MAP2: variants seen among roughly 807,000 people sequenced by gnomAD.
MAP2 encodes microtubule-associated protein 2.
A neutral mutation model predicts 137.6 loss-of-function variants in MAP2; 14 were observed. The observed-to-expected ratio is 0.10, with a 90% CI of 0.07 to 0.16. The LOEUF (loss-of-function observed/expected upper bound fraction) is 0.16. MAP2 is among the 10% of genes least tolerant of loss of function. The pLI is 1.00. For missense variants in MAP2, 2,088 were observed against 2,191.5 expected (o/e 0.95, Z 0.94); for synonymous variants, 786 against 782.3 (o/e 1.00, Z -0.08).
At chr2:209,705,383 T>G in intron 11 of MAP2, 197 bp from the exon 12 acceptor site, 1 of 369,016 alleles carries the variant, frequency 2.7e-6, no homozygotes, top group Non-Finnish European at 4.7e-6. Context: ...AAATAATGTA[T>G]TTTTACAAAA....
intron 13 of MAP2, among the ~76,000 whole-genome samples, chr2:209,713,799 G>C (rs946055412): frequency 6.6e-6 from 1 of 152,090 alleles, no homozygotes; most frequent in Non-Finnish European, 1.5e-5. Flanking sequence ...CTAATAATCA[G>C]GTTTTAAAAT....
intron 2 of MAP2, among the ~76,000 whole-genome samples, chr2:209,510,470 T>C (rs1445558956): frequency 6.6e-6 from 1 of 152,018 alleles, no homozygotes; most frequent in African/African-American, 2.4e-5. Context: ...TTTGTAGAAG[T>C]GGGATTATGT....
At chr2:209,699,389 G>T (rs2061155026) in intron 10 of MAP2, among the ~76,000 whole-genome samples, 1 of 152,000 alleles carries the variant, frequency 6.6e-6, no homozygotes, top group African/African-American at 2.4e-5. Context: ...AAATTAAGGA[G>T]GAATAAACAC....
intron 2 of MAP2, among the ~76,000 whole-genome samples, chr2:209,518,698 T>G (rs2062862972): frequency 6.6e-6 from 1 of 152,104 alleles, no homozygotes; most frequent in Non-Finnish European, 1.5e-5. Context: ...TCTCTCTTCA[T>G]GCACACAGAA....
intron 13 of MAP2, among the ~76,000 whole-genome samples, chr2:209,718,398 A>G (rs1378548433): frequency 6.6e-6 from 1 of 152,206 alleles, no homozygotes. Context: ...AAAAAATTTA[A>G]TGTCAAAAAA....
intron 14 of MAP2, 142 bp from the exon 15 acceptor site, chr2:209,729,708 A>T (rs1022923773): frequency 6.6e-6 from 4 of 604,952 alleles, no homozygotes; most frequent in Non-Finnish European, 1.2e-5. Flanking sequence ...ATTCTAAAAG[A>T]CTCTTTTTAC....
chr2:209,471,232 G>A (rs1297872254), intron 1 of MAP2, among the ~76,000 whole-genome samples: 1 of 152,048 alleles, frequency 6.6e-6, no homozygotes, highest in Non-Finnish European at 1.5e-5. Context: ...GGTTAATTCT[G>A]ACTCATCCTA....
chr2:209,704,721 A>C, intron 11 of MAP2: 1 of 1,138,712 alleles, frequency 8.8e-7, no homozygotes. Context: ...CAAATACTTT[A>C]CTCTGAAGTG....
intron 10 of MAP2, among the ~76,000 whole-genome samples, chr2:209,697,555 T>C (rs1251698056): frequency 2.0e-5 from 3 of 152,104 alleles, no homozygotes; most frequent in Non-Finnish European, 4.4e-5. Flanking sequence ...AGTGAAATTG[T>C]GGTTTGCAAA....
At chr2:209,453,554 G>A (rs145766507) in intron 1 of MAP2, among the ~76,000 whole-genome samples, 58 of 152,188 alleles carry the variant, frequency 3.8e-4, no homozygotes, top group Admixed American at 2.7e-3. Context: ...ACCTATGACT[G>A]TTACTGTTTA....
intron 2 of MAP2, among the ~76,000 whole-genome samples, chr2:209,511,423 A>G (rs115045967): frequency 6.6e-5 from 10 of 152,258 alleles, no homozygotes; most frequent in Non-Finnish European, 1.5e-4. Context: ...TGCTTAACAC[A>G]AGGCTCTCAG....
rs1201749213 is a variant in MAP2 at position 209,732,982 on chromosome 2, C to A, written c.*2585C>A. On this transcript the variant is annotated 3_prime_UTR_variant, in exon 16 of 16. Coordinates refer to ENST00000682079, the MANE Select transcript of MAP2 (RefSeq NM_001375505.1). Reference sequence around the variant, plus strand: ...TGTGGGGTTAAGGGGTAGAACCTATCTTGCCTTCACTCTCAAGATAACGAC... The same window carrying A: ...TGTGGGGTTAAGGGGTAGAACCTATATTGCCTTCACTCTCAAGATAACGAC... The A allele has an allele frequency of 6.6e-6, 1 of 152,586 alleles. No homozygotes were observed. Among genetic ancestry groups the A allele is most frequent in the Admixed American group, 6.6e-5 (1 of 15,262 alleles). 9.5% of individuals were successfully genotyped at this position (152,586 alleles called of 1,614,324 possible).
chr2:209,432,987 C>T (rs1451792617), intron 1 of MAP2, among the ~76,000 whole-genome samples: 3 of 152,120 alleles, frequency 2.0e-5, no homozygotes, highest in Non-Finnish European at 4.4e-5. Flanking sequence ...GTCTCTGTCT[C>T]TTCTACTTGA....
At chr2:209,610,960 A>C (rs890431992) in intron 3 of MAP2, among the ~76,000 whole-genome samples, 5 of 152,176 alleles carry the variant, frequency 3.3e-5, no homozygotes, top group African/African-American at 1.2e-4. Flanking sequence ...CTGCATGGGC[A>C]TGAATCCAAA....
At chr2:209,574,132 C>T (rs1221556695) in intron 2 of MAP2, among the ~76,000 whole-genome samples, 36 of 152,046 alleles carry the variant, frequency 2.4e-4, no homozygotes, top group Admixed American at 2.3e-3. Flanking sequence ...ATGGTACATT[C>T]GATCTCTAGA....
In MAP2 at chr2:209,693,878, T is replaced by C. The variant is rs2059561351; in HGVS notation, c.1708T>C (p.Ser570Pro). The C allele has an allele frequency of 1.9e-6, 3 of 1,612,280 alleles. No individual in the cohort carries two copies. The East Asian group carries it at 6.7e-5, about 36-fold the overall frequency. ...MPFYEDKSGM[S>P]KYFETSALKE... The stretch of plus-strand genomic sequence containing the variant: ...ATTTTATGAAGATAAATCAGGAATG[T>C]CCAAGTACTTTGAAACATCTGCCTT... The change falls in exon 8 of 16, where the codon TCC becomes CCC. Residue 570 changes from serine to proline, a missense_variant. This residue lies in a region of MAP2 where 859 missense variants were observed against 794.5 expected (regional missense o/e 1.08). Transcript: ENST00000682079.
chr2:209,713,801 T>C (rs1238832867), intron 13 of MAP2, among the ~76,000 whole-genome samples: 2 of 152,118 alleles, frequency 1.3e-5, no homozygotes. Flanking sequence ...AATAATCAGG[T>C]TTTAAAATAG....
chr2:209,514,913 G>A (rs562536219), intron 2 of MAP2, among the ~76,000 whole-genome samples: 3 of 152,234 alleles, frequency 2.0e-5, no homozygotes, highest in Non-Finnish European at 4.4e-5. Flanking sequence ...TTTTGCCAAT[G>A]CACAATACAA....
chr2:209,479,267 T>C (rs1031400223), intron 1 of MAP2, among the ~76,000 whole-genome samples: 3 of 152,110 alleles, frequency 2.0e-5, no homozygotes, highest in African/African-American at 7.2e-5. Flanking sequence ...TAATTAAAAT[T>C]AACAAAAGAA....
Sources: gnomAD v4.1 joint callset for allele counts (sites outside exome capture counted in the v4.1 genomes callset) on GRCh38, gnomAD v4.1.1 for gene constraint, gnomAD v4.1.1 regional missense constraint, MANE v1.5 for transcripts, NCBI Gene and HGNC (gene_info 2026-07-23, HGNC 2026-07-21) for gene names.